The following TEKT5 variants were observed in gnomAD, a reference collection of about 807,000 sequenced individuals.
The protein encoded by TEKT5 is tektin-5.
Under a neutral mutation model 48.7 loss-of-function variants are expected in TEKT5, and 52 were observed. That is an observed-to-expected ratio of 1.07 (90% CI 0.86 to 1.35). The LOEUF (loss-of-function observed/expected upper bound fraction) is 1.35, where lower values mean the gene tolerates loss of function less well. Ranked by LOEUF, TEKT5 falls within the 40% of genes most tolerant of loss-of-function variation. The probability of loss-of-function intolerance (pLI) is 0.00; values close to 1 mark genes in which losing one functional copy is unlikely to be tolerated. For missense variants in TEKT5, 831 were observed against 641.6 expected, an observed-to-expected ratio of 1.30 and a Z score of -3.19; for synonymous variants, 318 against 267.6, an observed-to-expected ratio of 1.19 and a Z score of -1.84.
At chr16:10,640,928 G>A (rs187398544) in intron 5 of TEKT5, among the ~76,000 whole-genome samples, 88 of 152,280 alleles carry the variant, frequency 5.8e-4, no homozygotes, top group African/African-American at 2.0e-3. Context: ...AATAAGAGCT[G>A]CTATGAATAT....
chr16:10,637,742 C>G lies in TEKT5; in HGVS notation c.1087-1824G>C, dbSNP rs560586701. 3.9e-5 allele frequency among the ~76,000 whole-genome samples: 6 copies of G among 152,324 alleles called. 1 individual carries two copies. The South Asian group carries it at 1.2e-3, about 32-fold the overall frequency. On this transcript the variant is annotated intron_variant, in intron 5 of 6. Coordinates refer to ENST00000283025, the MANE Select transcript of TEKT5 (RefSeq NM_144674.2). The stretch of plus-strand genomic sequence containing the variant: ...CCTCAACAGAAAATACAATGAAAAT[C>G]AGAAAAAGTCAAATACAAGACGCGA...
At chr16:10,628,319 A>G (rs530736188) in intron 6 of TEKT5, among the ~76,000 whole-genome samples, 1 of 152,348 alleles carries the variant, frequency 6.6e-6, no homozygotes, top group East Asian at 1.9e-4. Context: ...TAATGTACAC[A>G]AAGGAAGAAA....
chr16:10,632,445 G>A (rs184189167), intron 6 of TEKT5, among the ~76,000 whole-genome samples: 40 of 152,118 alleles, frequency 2.6e-4, no homozygotes, highest in African/African-American at 9.2e-4. Context: ...CTATAGGCAT[G>A]CCACCATGCC....
chr16:10,662,164 A>T (rs1898383731), intron 5 of TEKT5, among the ~76,000 whole-genome samples: 1 of 152,194 alleles, frequency 6.6e-6, no homozygotes, highest in Non-Finnish European at 1.5e-5. Context: ...GTTTGGCAGC[A>T]TCCCTGGCCT....
intron 6 of TEKT5, among the ~76,000 whole-genome samples, chr16:10,629,000 A>C (rs896008335): frequency 6.6e-6 from 1 of 152,208 alleles, no homozygotes; most frequent in African/African-American, 2.4e-5. Context: ...GCCAGACACA[A>C]AAGGACAAAT....
intron 5 of TEKT5, among the ~76,000 whole-genome samples, chr16:10,651,303 C>T (rs774677455): frequency 8.5e-5 from 13 of 152,180 alleles, no homozygotes; most frequent in Non-Finnish European, 1.9e-4. Flanking sequence ...CCCTAACCAG[C>T]CAGCACCCCC....
Position 10,694,189 on chromosome 16 carries a change from T to C in TEKT5, c.564+121A>G, listed in dbSNP as rs1037309419. 8.2e-6 allele frequency: 7 copies of C among 857,260 alleles called. No individual in the cohort carries two copies. The Middle Eastern group carries it at 1.3e-3, about 157-fold the overall frequency. 53.1% of individuals were successfully genotyped at this position (857,260 alleles called of 1,614,324 possible). ...AGATTGTATTACTGATCGTATTCGA[T>C]GATGCAGCTCAAACCGACCTGCAAG... On this transcript the variant is annotated intron_variant, in intron 1 of 6. Coordinates refer to ENST00000283025, the MANE Select transcript of TEKT5 (RefSeq NM_144674.2).
chr16:10,688,623 C>T (rs1898908132), intron 3 of TEKT5, among the ~76,000 whole-genome samples: 1 of 152,198 alleles, frequency 6.6e-6, no homozygotes, highest in Non-Finnish European at 1.5e-5. Flanking sequence ...GGAGGTGAGG[C>T]GGCTGCTTTC....
chr16:10,672,385 A>G (rs1898563541), intron 5 of TEKT5, among the ~76,000 whole-genome samples: 2 of 152,118 alleles, frequency 1.3e-5, no homozygotes, highest in African/African-American at 4.8e-5. Context: ...TGGGCCCGGA[A>G]GTTCAAGACC....
At chr16:10,646,141 A>C (rs1180056555) in intron 5 of TEKT5, among the ~76,000 whole-genome samples, 4 of 152,142 alleles carry the variant, frequency 2.6e-5, no homozygotes, top group African/African-American at 9.7e-5. Flanking sequence ...TCTCAAAAAA[A>C]AAAAAAAATT....
At chr16:10,670,694 G>T (rs984540136) in intron 5 of TEKT5, among the ~76,000 whole-genome samples, 1 of 152,060 alleles carries the variant, frequency 6.6e-6, no homozygotes, top group Non-Finnish European at 1.5e-5. Flanking sequence ...AATAGCGTAG[G>T]GTTGGAGTTT....
At chr16:10,656,308 G>A (rs996265290) in intron 5 of TEKT5, among the ~76,000 whole-genome samples, 1 of 152,162 alleles carries the variant, frequency 6.6e-6, no homozygotes, top group African/African-American at 2.4e-5. Flanking sequence ...CTGGAATGCA[G>A]TGGCGTGATG....
At chr16:10,631,363 G>GGC (rs1897839232) in intron 6 of TEKT5, among the ~76,000 whole-genome samples, 1 of 138,638 alleles carries the variant, frequency 7.2e-6, no homozygotes, top group South Asian at 2.7e-4. Context: ...GGGGGCGGGG[G>GGC]AGGGTTGAAA....
chr16:10,677,856 G>A (rs1161449825), intron 4 of TEKT5, among the ~76,000 whole-genome samples: 1 of 152,182 alleles, frequency 6.6e-6, no homozygotes, highest in Non-Finnish European at 1.5e-5. Context: ...GAGCCCAGGA[G>A]AGGTCTGCAG....
chr16:10,684,980 G>C (rs1408254837), intron 3 of TEKT5, among the ~76,000 whole-genome samples: 3 of 152,212 alleles, frequency 2.0e-5, no homozygotes. Flanking sequence ...CTTCCCCAAG[G>C]GGGTGAGGAC....
chr16:10,690,179 CT>C, intron 1 of TEKT5, 154 bp from the exon 2 acceptor site: 1 of 681,716 alleles, frequency 1.5e-6, no homozygotes, highest in Admixed American at 2.8e-5. Flanking sequence ...GGATGGGCTT[CT>C]GCCTCCCCTT....
At chr16:10,647,876 G>A (rs982955747) in intron 5 of TEKT5, among the ~76,000 whole-genome samples, 10 of 152,264 alleles carry the variant, frequency 6.6e-5, no homozygotes, top group Admixed American at 5.2e-4. Context: ...GTTCTAGGCA[G>A]TGGATCCGAG....
chr16:10,689,665 C>T (rs1318622022), intron 2 of TEKT5, among the ~76,000 whole-genome samples: 1 of 151,838 alleles, frequency 6.6e-6, no homozygotes, highest in East Asian at 1.9e-4. Flanking sequence ...CAGCCTATGA[C>T]ATATAGTAGG....
At chr16:10,650,525 C>A (rs1307532561) in intron 5 of TEKT5, among the ~76,000 whole-genome samples, 1 of 152,146 alleles carries the variant, frequency 6.6e-6, no homozygotes, top group Non-Finnish European at 1.5e-5. Context: ...AAAAAACATG[C>A]CCCTTAACAT....
Sources: gnomAD v4.1 joint callset for allele counts (sites outside exome capture counted in the v4.1 genomes callset) on GRCh38, gnomAD v4.1.1 for gene constraint, MANE v1.5 for transcripts, NCBI Gene and HGNC (gene_info 2026-07-23, HGNC 2026-07-21) for gene names.